MTMR12: variants seen among roughly 807,000 people sequenced by gnomAD.
MTMR12 encodes the protein myotubularin related protein 12, also known as myotubularin-related protein 12.
MTMR12 carries 33 observed loss-of-function variants against 96.7 expected under a neutral mutation model. The observed-to-expected ratio is 0.34, with a 90% confidence interval of 0.26 to 0.46. The LOEUF (loss-of-function observed/expected upper bound fraction) is 0.46, where lower values mean the gene tolerates loss of function less well. Ranked by LOEUF, MTMR12 falls within the 20% of genes least tolerant of loss-of-function variation. The probability of loss-of-function intolerance (pLI) is 1.00; values close to 1 mark genes in which losing one functional copy is unlikely to be tolerated. For synonymous variants in MTMR12, 298 were observed against 327.2 expected, an observed-to-expected ratio of 0.91 and a Z score of 0.96; for missense variants, 721 against 896.1, an observed-to-expected ratio of 0.80 and a Z score of 2.49.
intron 6 of MTMR12, among the ~76,000 whole-genome samples, chr5:32,263,445 T>C (rs958542565): frequency 6.6e-6 from 1 of 151,904 alleles, no homozygotes; most frequent in Non-Finnish European, 1.5e-5. Context: ...TTTTTTTTTT[T>C]TTTGAGATGG....
chr5:32,239,224 T>TA (rs772198132), intron 12 of MTMR12, 51 bp from the exon 13 acceptor site: 21 of 1,481,548 alleles, frequency 1.4e-5, no homozygotes, highest in Middle Eastern at 2.1e-4. Flanking sequence ...CATAAAATGT[T>TA]AAAAAGTTTC....
chr5:32,238,139 G>A (rs1410255866), intron 13 of MTMR12, among the ~76,000 whole-genome samples: 7 of 83,052 alleles, frequency 8.4e-5, no homozygotes, highest in African/African-American at 2.0e-4. Context: ...GCAAGACTCC[G>A]TCTCAAAAAA....
intron 1 of MTMR12, among the ~76,000 whole-genome samples, chr5:32,298,744 C>T (rs982647980): frequency 3.3e-5 from 5 of 151,520 alleles, no homozygotes; most frequent in South Asian, 2.1e-4. Flanking sequence ...GTCAGGAGAT[C>T]GAGATCATCC....
intron 1 of MTMR12, among the ~76,000 whole-genome samples, chr5:32,308,236 C>T (rs1346308279): frequency 1.3e-5 from 2 of 152,006 alleles, no homozygotes; most frequent in African/African-American, 2.4e-5. Context: ...GCAGGAGAAT[C>T]GCCTGAACCT....
chr5:32,287,216 T>G (rs1724582814), intron 1 of MTMR12, among the ~76,000 whole-genome samples: 1 of 152,168 alleles, frequency 6.6e-6, no homozygotes. Flanking sequence ...TGATCTTGGG[T>G]GTGGCTGTGA....
chr5:32,284,535 G>A (rs1750444765), intron 1 of MTMR12, among the ~76,000 whole-genome samples: 1 of 152,162 alleles, frequency 6.6e-6, no homozygotes, highest in Non-Finnish European at 1.5e-5. Flanking sequence ...AATTCAATCA[G>A]CATCCAGTGA....
chr5:32,228,520 T>A lies in MTMR12; in HGVS notation c.*1258A>T, dbSNP rs1259580919. The stretch of plus-strand genomic sequence containing the variant: ...ATACTTTCCTGCATTAAAAAAAATA[T>A]ATATCATATATATGATATATATATC... On this transcript the variant is annotated 3_prime_UTR_variant, in exon 16 of 16. Coordinates refer to ENST00000382142, the MANE Select transcript of MTMR12 (RefSeq NM_001040446.3). 1 of 142,532 alleles carries A rather than the reference T, an allele frequency of 7.0e-6. No homozygotes were observed. The highest frequency in any genetic ancestry group is 1.5e-5 in the Non-Finnish European group (1 of 66,516). The allele number at this position is 142,532 out of a possible 1,614,324, so 8.8% of individuals were successfully genotyped here.
chr5:32,282,133 G>A (rs1298736157), intron 1 of MTMR12, among the ~76,000 whole-genome samples: 1 of 151,982 alleles, frequency 6.6e-6, no homozygotes, highest in South Asian at 2.1e-4. Context: ...CTGTAATCCT[G>A]GCACTTTGGG....
At chr5:32,273,113 A>C (rs1221174708) in intron 3 of MTMR12, among the ~76,000 whole-genome samples, 2 of 152,110 alleles carry the variant, frequency 1.3e-5, no homozygotes, top group Admixed American at 1.3e-4. Context: ...ATTAAACATA[A>C]GGTGAGCCGG....
In MTMR12 at chr5:32,233,664, T is replaced by C; in HGVS notation, c.1674+109A>G. The C allele has an allele frequency of 6.8e-7, 1 of 1,461,988 alleles. No individual in the cohort carries two copies. Among genetic ancestry groups the C allele is most frequent in the Non-Finnish European group, 9.4e-7 (1 of 1,061,638 alleles). 90.6% of individuals were successfully genotyped at this position (1,461,988 alleles called of 1,614,324 possible). On this transcript the variant is annotated intron_variant, in intron 15 of 15. Coordinates refer to ENST00000382142, the MANE Select transcript of MTMR12 (RefSeq NM_001040446.3). This position sits in a 1 kb window ranked among gnomAD's most constrained non-coding sequence, Gnocchi z 5.0. ...CATCACAAGTCTCAACTCTGCAGAC[T>C]GCTTCGAGGGGTAGAAAATGCTGGC...
intron 1 of MTMR12, 131 bp from the exon 2 acceptor site, chr5:32,276,873 CTTTTTTTTTTTTTTTT>C (rs779455702): frequency 2.2e-4 from 27 of 123,782 alleles, no homozygotes; most frequent in Admixed American, 1.2e-3. Context: ...TTACAAGCTA[CTTTTTTTTTTTTTTTT>C]TTTTTTTTTT....
rs1748796537 is a variant in MTMR12 at position 32,248,775 on chromosome 5, T to C, written c.893A>G (p.Asp298Gly). ...GILQIQKSFL[D>G]GIYKTIHRPP... is the part of the protein sequence containing the mutation. ...AAAATGTAGAACTAGTACTGACCCA[T>C]CTAAGAAGCTCTTTTGGATTTGTAA... The change falls in exon 9 of 16, where the codon GAT (aspartate) becomes GGT (glycine). Residue 298 changes from aspartate (D) to glycine (G), a missense_variant. Coordinates refer to ENST00000382142, the MANE Select transcript of MTMR12 (RefSeq NM_001040446.3). The C allele has an allele frequency of 6.2e-7, 1 of 1,613,506 alleles. No homozygotes were observed. The highest frequency in any genetic ancestry group is 1.3e-5 in the African/African-American group (1 of 75,056).
chr5:32,270,667 C>G (rs1041344294), intron 5 of MTMR12, 150 bp downstream of exon 5: 7 of 800,676 alleles, frequency 8.7e-6, no homozygotes, highest in Non-Finnish European at 1.2e-5. Flanking sequence ...TTACTTTTCA[C>G]GTTCTAATCA....
intron 7 of MTMR12, among the ~76,000 whole-genome samples, chr5:32,260,747 G>A (rs1238412964): frequency 6.6e-6 from 1 of 151,488 alleles, no homozygotes; most frequent in Non-Finnish European, 1.5e-5. Flanking sequence ...AGGGGGACCA[G>A]TGGCAGCAAC....
Position 32,235,118 on chromosome 5 carries a change from G to C in MTMR12, c.1356C>G (p.Phe452Leu). The C allele has an allele frequency of 6.2e-7, 1 of 1,612,804 alleles. No homozygotes were observed. The highest frequency in any genetic ancestry group is 8.5e-7 in the Non-Finnish European group (1 of 1,179,534). Residue 452 changes from phenylalanine (F) to leucine (L), a missense_variant, in exon 14 of 16, where the codon TTC becomes TTG. Transcript: ENST00000382142. ...RQNDKEEVPV[F>L]LLFLDCVWQL... Reference sequence around the variant, plus strand: ...GCCAGACACAATCTAGGAAAAGCAGGAACACAGGAACCTGCATGAAAACAA... The same window carrying C: ...GCCAGACACAATCTAGGAAAAGCAGCAACACAGGAACCTGCATGAAAACAA...
chr5:32,294,233 C>T (rs1750840369), intron 1 of MTMR12, among the ~76,000 whole-genome samples: 2 of 152,200 alleles, frequency 1.3e-5, no homozygotes, highest in South Asian at 2.1e-4. Context: ...TCCATCAGAA[C>T]ACTGAGGTGC....
rs1269417753 is a variant in MTMR12, at chr5:32,276,671, A to G, written c.142+11T>C. ...CTTGCATAGGAGTTACTATGCTAAC[A>G]TGACAGTTACCTGGCAACAAGTGAA... On this transcript the variant is annotated intron_variant, in intron 2 of 15. Coordinates refer to ENST00000382142, the MANE Select transcript of MTMR12 (RefSeq NM_001040446.3). 1 of 1,611,692 alleles carries G rather than the reference A, an allele frequency of 6.2e-7. No homozygotes were observed. Among genetic ancestry groups the G allele is most frequent in the South Asian group, 1.1e-5 (1 of 91,014 alleles).
At chr5:32,305,662 G>A (rs1322571586) in intron 1 of MTMR12, among the ~76,000 whole-genome samples, 2 of 152,080 alleles carry the variant, frequency 1.3e-5, no homozygotes, top group Non-Finnish European at 2.9e-5. Flanking sequence ...CCAGCACTTT[G>A]GGAGGCCAAG....
chr5:32,245,042 T>C (rs1748626997), intron 10 of MTMR12, among the ~76,000 whole-genome samples: 1 of 152,242 alleles, frequency 6.6e-6, no homozygotes, highest in Non-Finnish European at 1.5e-5. Context: ...TTTGTGTTTT[T>C]TTTGAGATGG....
Sources: gnomAD v4.1 joint callset for allele counts (sites outside exome capture counted in the v4.1 genomes callset) on GRCh38, gnomAD v4.1.1 for gene constraint, Gnocchi (gnomAD v3.1) non-coding constraint, MANE v1.5 for transcripts, NCBI Gene and HGNC (gene_info 2026-07-23, HGNC 2026-07-21) for gene names.